Variants in FOCAD observed in about 807,000 individuals in gnomAD.
FOCAD encodes the protein KIAA1797.
In FOCAD, 198 loss-of-function variants were observed where a neutral mutation model predicts 225.6. That is an observed-to-expected ratio of 0.88 (90% CI 0.78 to 0.99). The LOEUF (loss-of-function observed/expected upper bound fraction) is 0.99, where lower values mean the gene tolerates loss of function less well. FOCAD is among the 50% of genes least tolerant of loss of function. FOCAD has a pLI of 0.00. For missense variants in FOCAD, 2,713 were observed against 2,123.6 expected (o/e 1.28, Z -5.46); for synonymous variants, 897 against 755.0 (o/e 1.19, Z -3.08).
intron 26 of FOCAD, among the ~76,000 whole-genome samples, 194 bp downstream of exon 26, chr9:20,926,611 G>A (rs1000651227): frequency 1.3e-5 from 2 of 151,674 alleles, no homozygotes; most frequent in African/African-American, 4.8e-5. Flanking sequence ...TGGAGAAACC[G>A]CATCTCTACT....
intron 15 of FOCAD, among the ~76,000 whole-genome samples, chr9:20,858,696 G>A (rs1431715640): frequency 6.6e-6 from 1 of 151,936 alleles, no homozygotes; most frequent in Non-Finnish European, 1.5e-5. Flanking sequence ...TTTGTTTGAA[G>A]TTTTTCTACT....
At chr9:20,984,340 T>C (rs1244372435) in intron 39 of FOCAD, among the ~76,000 whole-genome samples, 3 of 152,180 alleles carry the variant, frequency 2.0e-5, no homozygotes, top group African/African-American at 7.2e-5. Context: ...AGTTCTCAAA[T>C]GTTTTAGTCT....
intron 11 of FOCAD, among the ~76,000 whole-genome samples, chr9:20,812,956 T>C (rs1823247843): frequency 6.6e-6 from 1 of 152,086 alleles, no homozygotes; most frequent in African/African-American, 2.4e-5. Context: ...TTTTGTACGG[T>C]GGATCTCTAG....
intron 2 of FOCAD, among the ~76,000 whole-genome samples, chr9:20,674,114 A>G (rs527591871): frequency 6.6e-6 from 1 of 152,306 alleles, no homozygotes; most frequent in African/African-American, 2.4e-5. Flanking sequence ...AACTTTGCAA[A>G]CTACTTGTTA....
At chr9:20,774,698 G>C (rs1276846166) in intron 8 of FOCAD, among the ~76,000 whole-genome samples, 1 of 152,052 alleles carries the variant, frequency 6.6e-6, no homozygotes. Flanking sequence ...ATTAATAAGT[G>C]GCTCTTGAAT....
intron 15 of FOCAD, among the ~76,000 whole-genome samples, chr9:20,858,221 T>C (rs1390933418): frequency 6.7e-6 from 1 of 150,362 alleles, no homozygotes; most frequent in Non-Finnish European, 1.5e-5. Context: ...CATCAGATTA[T>C]TGGCTTTTAT....
At chr9:20,772,753 G>A (rs549863800) in intron 8 of FOCAD, among the ~76,000 whole-genome samples, 9 of 152,030 alleles carry the variant, frequency 5.9e-5, no homozygotes, top group Non-Finnish European at 5.9e-5. Context: ...AGATTTTGAT[G>A]GAAGTTGGGA....
Position 20,694,472 on chromosome 9 carries a change from CT to C in FOCAD, c.-33+10180del, listed in dbSNP as rs556300383. On this transcript the variant is annotated intron_variant, in intron 1 of 43. Transcript: ENST00000338382. The stretch of plus-strand genomic sequence containing the variant: ...AATGATACTCTCTATATGTCTCAGC[CT>C]CCAATTTATTTTTGTATTGTGATTT... The C allele has an allele frequency of 2.6e-5, 4 of 152,266 alleles. No homozygotes were observed. The South Asian group carries it at 8.3e-4, about 32-fold the overall frequency. The allele number at this position is 152,266 out of a possible 1,614,324, so 9.4% of individuals were successfully genotyped here. A position where few individuals can be genotyped will look rare whatever the true frequency, so the allele number is the denominator to read the frequency against.
chr9:20,932,178 G>A (rs1253697712), intron 27 of FOCAD, among the ~76,000 whole-genome samples: 1 of 152,144 alleles, frequency 6.6e-6, no homozygotes, highest in Non-Finnish European at 1.5e-5. Flanking sequence ...TGTGATATGA[G>A]GGGTGTGCGT....
rs1359596680 is a variant in FOCAD, at chr9:20,701,342, C to T, written c.-32-13980C>T. ...TGAACTCATGCACACACAAATTTCCCTGTCTCATTGAGCTGTGTTTTCACC... is the reference window on the plus strand; with the variant it reads ...TGAACTCATGCACACACAAATTTCCTTGTCTCATTGAGCTGTGTTTTCACC... On this transcript the variant is annotated intron_variant, in intron 1 of 43. Coordinates refer to ENST00000338382, the MANE Select transcript of FOCAD (RefSeq NM_001375567.1). Among the ~76,000 whole-genome samples, 10 of 152,218 alleles carry T rather than the reference C, an allele frequency of 6.6e-5. No homozygotes were observed. In the East Asian group the frequency reaches 1.9e-3, roughly 29 times the overall value.
intron 8 of FOCAD, among the ~76,000 whole-genome samples, chr9:20,774,721 ATGTTTTTGATTATAATGTAGAG>A (rs1476176891): frequency 1.7e-4 from 26 of 152,322 alleles, no homozygotes; most frequent in African/African-American, 5.8e-4. Context: ...AATTTTTAAA[ATGTTTTTGATTATAATGTAGAG>A]TCACAGGATA....
At chr9:20,785,785 T>C (rs185378627) in intron 10 of FOCAD, among the ~76,000 whole-genome samples, 1 of 152,336 alleles carries the variant, frequency 6.6e-6, no homozygotes, top group East Asian at 1.9e-4. Context: ...GTACAACTGC[T>C]AGGTAAGGTG....
chr9:20,659,578 G>A (rs1193245526), intron 2 of FOCAD, among the ~76,000 whole-genome samples: 2 of 152,170 alleles, frequency 1.3e-5, no homozygotes, highest in African/African-American at 2.4e-5. Flanking sequence ...TGCATGTCAA[G>A]GAGCTAGGCC....
intron 1 of FOCAD, among the ~76,000 whole-genome samples, chr9:20,698,644 G>C (rs951409405): frequency 1.9e-4 from 29 of 152,190 alleles, no homozygotes; most frequent in African/African-American, 6.0e-4. Context: ...AAAGTGTTGG[G>C]ATTACAGGTG....
At chr9:20,857,953 C>T (rs1828368539) in intron 15 of FOCAD, among the ~76,000 whole-genome samples, 2 of 151,738 alleles carry the variant, frequency 1.3e-5, no homozygotes, top group African/African-American at 4.8e-5. Flanking sequence ...TACTTGATCA[C>T]GAGAAACAAT....
intron 10 of FOCAD, among the ~76,000 whole-genome samples, chr9:20,787,956 A>G (rs1820100733): frequency 1.3e-5 from 2 of 152,192 alleles, no homozygotes; most frequent in South Asian, 4.1e-4. Flanking sequence ...GAAATTGCAT[A>G]TCTACTCTTA....
chr9:20,942,011 G>T (rs62558282), intron 28 of FOCAD, among the ~76,000 whole-genome samples: 33,778 of 152,038 alleles, frequency 0.22, 4,053 homozygotes, highest in South Asian at 0.32. Flanking sequence ...AGGGAAATCA[G>T]GAATAAAGTT....
At chr9:20,948,070 T>C (rs970228106) in intron 30 of FOCAD, among the ~76,000 whole-genome samples, 3 of 151,934 alleles carry the variant, frequency 2.0e-5, no homozygotes, top group African/African-American at 7.3e-5. Flanking sequence ...AATTAGACCC[T>C]GCAGTTTATG....
intron 42 of FOCAD, among the ~76,000 whole-genome samples, chr9:20,992,973 ACTC>A (rs1382281269): frequency 6.6e-6 from 1 of 151,010 alleles, no homozygotes; most frequent in African/African-American, 2.4e-5. Flanking sequence ...AAAAAAAAAA[ACTC>A]CTGTATCAGC....
Sources: allele counts gnomAD v4.1 joint callset (sites outside exome capture counted in the v4.1 genomes callset), GRCh38; gene constraint gnomAD v4.1.1; transcripts MANE v1.5; gene names NCBI Gene and HGNC (gene_info 2026-07-23, HGNC 2026-07-21).